The following CNTNAP4 variants were observed in gnomAD, a reference collection of about 807,000 sequenced individuals.
CNTNAP4 encodes the protein contactin-associated protein-like 4.
In CNTNAP4, 98 loss-of-function variants were observed where a neutral mutation model predicts 148.4. The ratio of observed to expected loss-of-function variants is 0.66; its 90% confidence interval spans 0.56 to 0.78. The LOEUF is 0.78. Ranked by LOEUF, CNTNAP4 falls within the 30% of genes least tolerant of loss-of-function variation. The pLI is 0.00. For synonymous variants in CNTNAP4, 730 were observed against 565.1 expected, an observed-to-expected ratio of 1.29 and a Z score of -4.14; for missense variants, 1,935 against 1,565.6, an observed-to-expected ratio of 1.24 and a Z score of -3.98.
intron 2 of CNTNAP4, among the ~76,000 whole-genome samples, chr16:76,346,858 A>G (rs1567794932): frequency 6.6e-6 from 1 of 152,298 alleles, no homozygotes; most frequent in African/African-American, 2.4e-5. Flanking sequence ...TTTTCAAAGC[A>G]CTGCATTATT....
At chr16:76,377,282 A>G (rs2015518243) in intron 3 of CNTNAP4, among the ~76,000 whole-genome samples, 1 of 152,168 alleles carries the variant, frequency 6.6e-6, no homozygotes, top group African/African-American at 2.4e-5. Flanking sequence ...AGAAACATCT[A>G]GAATAATGTT....
chr16:76,421,870 A>G (rs545437950), intron 3 of CNTNAP4, among the ~76,000 whole-genome samples: 18 of 152,144 alleles, frequency 1.2e-4, no homozygotes, highest in Non-Finnish European at 2.5e-4. Context: ...ACTGATTTCT[A>G]TATAATTGCA....
intron 2 of CNTNAP4, among the ~76,000 whole-genome samples, chr16:76,325,009 A>G (rs1215591502): frequency 6.6e-6 from 1 of 152,184 alleles, no homozygotes; most frequent in Non-Finnish European, 1.5e-5. Flanking sequence ...TAACTACTTG[A>G]CATACCTGAG....
chr16:76,515,185 C>G (rs1338161187), intron 15 of CNTNAP4, among the ~76,000 whole-genome samples: 1 of 152,106 alleles, frequency 6.6e-6, no homozygotes, highest in South Asian at 2.1e-4. Context: ...TTGCAAACCA[C>G]CTATCTGAGA....
intron 2 of CNTNAP4, among the ~76,000 whole-genome samples, chr16:76,326,458 A>C (rs1321296746): frequency 6.6e-6 from 1 of 152,208 alleles, no homozygotes; most frequent in Non-Finnish European, 1.5e-5. Flanking sequence ...AAAGCTAGCA[A>C]AAGGATTATA....
At chr16:76,290,673 C>A (rs1315378295) in intron 1 of CNTNAP4, among the ~76,000 whole-genome samples, 1 of 152,194 alleles carries the variant, frequency 6.6e-6, no homozygotes, top group African/African-American at 2.4e-5. Flanking sequence ...TGCAGCACTG[C>A]CTGACCAAGG....
At chr16:76,374,597 A>G (rs908019388) in intron 3 of CNTNAP4, among the ~76,000 whole-genome samples, 4 of 152,062 alleles carry the variant, frequency 2.6e-5, no homozygotes, top group Non-Finnish European at 4.4e-5. Flanking sequence ...TTCTCATAAA[A>G]TCAAATTCTT....
At chr16:76,523,295 AAAC>A (rs1248334331) in intron 17 of CNTNAP4, among the ~76,000 whole-genome samples, 1 of 147,948 alleles carries the variant, frequency 6.8e-6, no homozygotes, top group Non-Finnish European at 1.5e-5. Context: ...AAAGAAAAGA[AAAC>A]AAAACAGATA....
intron 3 of CNTNAP4, among the ~76,000 whole-genome samples, chr16:76,418,753 C>T (rs2079076878): frequency 6.6e-6 from 1 of 151,044 alleles, no homozygotes; most frequent in Non-Finnish European, 1.5e-5. Flanking sequence ...TACTTTTTGC[C>T]ATTCCTTGTA....
At chr16:76,440,354 C>G (rs1315007371) in intron 4 of CNTNAP4, among the ~76,000 whole-genome samples, 6 of 151,888 alleles carry the variant, frequency 4.0e-5, no homozygotes, top group Admixed American at 2.0e-4. Context: ...TCCAATTTTT[C>G]TCTTTTAAGT....
chr16:76,450,392 C>T (rs1001378778), intron 7 of CNTNAP4, among the ~76,000 whole-genome samples: 5 of 152,126 alleles, frequency 3.3e-5, no homozygotes, highest in South Asian at 4.1e-4. Context: ...TTGGGTGATC[C>T]GCCTGCCTCA....
At chr16:76,558,243 A>G in intron 23 of CNTNAP4, 1 of 373,472 alleles carries the variant, frequency 2.7e-6, no homozygotes, top group Non-Finnish European at 4.8e-6. Flanking sequence ...TGCACCAAGT[A>G]AATCCGATAT....
intron 1 of CNTNAP4, among the ~76,000 whole-genome samples, chr16:76,307,113 C>A (rs1370645820): frequency 6.6e-6 from 1 of 151,856 alleles, no homozygotes; most frequent in Admixed American, 6.6e-5. Context: ...AAAGCATGAG[C>A]AAAATTAAAG....
intron 3 of CNTNAP4, among the ~76,000 whole-genome samples, chr16:76,371,795 C>T (rs2144632708): frequency 6.6e-6 from 1 of 152,324 alleles, no homozygotes; most frequent in South Asian, 2.1e-4. Flanking sequence ...TCCAAAGTTT[C>T]TTGTACTTTC....
At chr16:76,367,259 A>C (rs1031978925) in intron 3 of CNTNAP4, among the ~76,000 whole-genome samples, 3 of 151,920 alleles carry the variant, frequency 2.0e-5, no homozygotes, top group African/African-American at 7.2e-5. Flanking sequence ...TGTTTATATC[A>C]AAATAGATTT....
At chr16:76,327,923 T>C (rs1260091846) in intron 2 of CNTNAP4, among the ~76,000 whole-genome samples, 1 of 148,970 alleles carries the variant, frequency 6.7e-6, no homozygotes, top group East Asian at 1.9e-4. Flanking sequence ...CGTCATTGTT[T>C]CACCCCTTCC....
chr16:76,549,890 G>A (rs973158119), intron 21 of CNTNAP4, among the ~76,000 whole-genome samples: 1 of 152,162 alleles, frequency 6.6e-6, no homozygotes, highest in Non-Finnish European at 1.5e-5. Flanking sequence ...AGGTGAAACA[G>A]CAGTAGTGTG....
chr16:76,510,898 C>T (rs2082998182), intron 15 of CNTNAP4, among the ~76,000 whole-genome samples: 1 of 152,002 alleles, frequency 6.6e-6, no homozygotes. Flanking sequence ...GACTCTGAGG[C>T]CATACTGGTT....
chr16:76,317,537 G>A (rs868589709), intron 2 of CNTNAP4, among the ~76,000 whole-genome samples: 6 of 152,144 alleles, frequency 3.9e-5, no homozygotes, highest in Admixed American at 2.0e-4. Context: ...TACATAAAAC[G>A]TTTTAACAAT....
Sources: gnomAD v4.1 joint callset for allele counts (sites outside exome capture counted in the v4.1 genomes callset) on GRCh38, gnomAD v4.1.1 for gene constraint, MANE v1.5 for transcripts, NCBI Gene and HGNC (gene_info 2026-07-23, HGNC 2026-07-21) for gene names.